RHNO1: variants seen among roughly 807,000 people sequenced by gnomAD.
The protein encoded by RHNO1 is RAD9, HUS1, RAD1-interacting nuclear orphan protein 1.
RHNO1 carries 9 observed loss-of-function variants against 7.2 expected under a neutral mutation model. The observed-to-expected ratio is 1.25, with a 90% CI of 0.75 to 2.18. RHNO1 has a LOEUF of 2.18. Among genes scored for constraint, RHNO1 ranks in the 30% most tolerant of loss-of-function variants. The pLI is 0.00. For missense variants in RHNO1, 292 were observed against 284.5 expected, an observed-to-expected ratio of 1.03 and a Z score of -0.19; for synonymous variants, 95 against 107.5, an observed-to-expected ratio of 0.88 and a Z score of 0.72.
upstream of RHNO1, chr12:2,876,640 T>G (rs1463242811): frequency 6.6e-6 from 1 of 152,358 alleles, no homozygotes; most frequent in African/African-American, 2.4e-5. Flanking sequence ...ACAGTCGGCC[T>G]AAGAAGGTAG....
rs776598671 is a variant in RHNO1, at chr12:2,888,476, C to G, written c.*17C>G. The G allele has an allele frequency of 6.5e-7, 1 of 1,533,254 alleles. No homozygotes were observed. Among genetic ancestry groups the G allele is most frequent in the Non-Finnish European group, 8.7e-7 (1 of 1,143,788 alleles). 95.0% of individuals were successfully genotyped at this position (1,533,254 alleles called of 1,614,324 possible). On this transcript the variant is annotated 3_prime_UTR_variant, in exon 3 of 3. Transcript: ENST00000489288. ...AAAAGCTGACTGCCATCAGTAATCT[C>G]AATAGAAAAGAGATATGTTTTCTGG...
In RHNO1 at chr12:2,885,307, C is replaced by A; in HGVS notation, c.-60C>A. On this transcript the variant is annotated 5_prime_UTR_variant, in exon 2 of 3. Coordinates refer to ENST00000489288, the MANE Select transcript of RHNO1 (RefSeq NM_001252499.3). ...GGCATGGGTTGGAATTGGAGCCTATCCCCCAACCCGAAGGCTAACAGCATC... is the reference window on the plus strand; with the variant it reads ...GGCATGGGTTGGAATTGGAGCCTATACCCCAACCCGAAGGCTAACAGCATC... 1 of 1,471,724 alleles carries A rather than the reference C, an allele frequency of 6.8e-7. No homozygotes were observed. Among genetic ancestry groups the A allele is most frequent in the Non-Finnish European group, 9.3e-7 (1 of 1,079,388 alleles). 91.2% of individuals were successfully genotyped at this position (1,471,724 alleles called of 1,614,324 possible). A position where few individuals can be genotyped will look rare whatever the true frequency, so the allele number is the denominator to read the frequency against.
intron 2 of RHNO1, among the ~76,000 whole-genome samples, chr12:2,886,685 C>T (rs969601938): frequency 6.6e-6 from 1 of 150,934 alleles, no homozygotes; most frequent in Admixed American, 6.6e-5. Flanking sequence ...AAATAGAAAC[C>T]CTGGGAAGAG....
intron 1 of RHNO1, chr12:2,877,991 G>C (rs1210472435): frequency 2.0e-5 from 3 of 152,238 alleles, no homozygotes; most frequent in Non-Finnish European, 2.9e-5. Flanking sequence ...GACCAGCCTG[G>C]CAACATAGCG....
chr12:2,879,034 C>G (rs944378005), intron 1 of RHNO1, among the ~76,000 whole-genome samples: 3 of 151,860 alleles, frequency 2.0e-5, no homozygotes, highest in Non-Finnish European at 4.4e-5. Context: ...GGGTCTTGCT[C>G]TGTCCCCCAG....
At chr12:2,879,494 AC>A (rs913649496) in intron 1 of RHNO1, among the ~76,000 whole-genome samples, 9 of 151,602 alleles carry the variant, frequency 5.9e-5, no homozygotes, top group Admixed American at 2.6e-4. Flanking sequence ...AGCCGTGCCC[AC>A]CTGATTTTTT....
intron 1 of RHNO1, among the ~76,000 whole-genome samples, chr12:2,880,023 C>G (rs866418682): frequency 5.3e-5 from 8 of 152,002 alleles, no homozygotes; most frequent in South Asian, 2.1e-4. Context: ...TTCTGAAGTT[C>G]TAAGAAAGTG....
chr12:2,882,884 A>T (rs2153944926), intron 1 of RHNO1, among the ~76,000 whole-genome samples: 1 of 152,180 alleles, frequency 6.6e-6, no homozygotes, highest in South Asian at 2.1e-4. Flanking sequence ...CAACACAGTG[A>T]GACCTCATCT....
upstream of RHNO1, chr12:2,876,819 C>T (rs1223879097): frequency 6.5e-6 from 1 of 152,738 alleles, no homozygotes; most frequent in Non-Finnish European, 1.5e-5. Context: ...CACTCGTGGC[C>T]CGTGCCCTGC....
chr12:2,886,411 G>A (rs187834700), intron 2 of RHNO1: 1 of 152,672 alleles, frequency 6.5e-6, no homozygotes, highest in Non-Finnish European at 1.5e-5. Flanking sequence ...AGAACTTTGG[G>A]AGGCCAAGGA....
chr12:2,887,777 C>T (rs2098167317), intron 2 of RHNO1, 134 bp from the exon 3 acceptor site: 2 of 676,624 alleles, frequency 3.0e-6, no homozygotes, highest in Non-Finnish European at 4.8e-6. Context: ...TGTTATTATG[C>T]CATTAGACAG....
At chr12:2,876,282 C>T (rs2098143299), upstream of RHNO1, 1 of 152,190 alleles carries the variant, frequency 6.6e-6, no homozygotes, top group Admixed American at 6.6e-5. Context: ...CTTTCACCTC[C>T]GATCTTTCCA....
In RHNO1 at chr12:2,889,341, CAATATT is replaced by C. The variant is rs528435182; in HGVS notation, c.*885_*890del. On this transcript the variant is annotated 3_prime_UTR_variant, in exon 3 of 3. Coordinates refer to ENST00000489288, the MANE Select transcript of RHNO1 (RefSeq NM_001252499.3). ...TTTGTTTCTAACTGAAGAAATCTGT[CAATATT>C]AAATAGGGTGGGAAAATGGTTTCTT... 245 of 152,210 alleles carry C rather than the reference CAATATT, an allele frequency of 1.6e-3. No homozygotes were observed. Among genetic ancestry groups the C allele is most frequent in the African/African-American group, 5.3e-3 (221 of 41,528 alleles). The allele number at this position is 152,210 out of a possible 1,614,324, so 9.4% of individuals were successfully genotyped here. A position where few individuals can be genotyped will look rare whatever the true frequency, so the allele number is the denominator to read the frequency against.
Position 2,888,353 on chromosome 12 carries a change from A to C in RHNO1, c.611A>C (p.Glu204Ala), listed in dbSNP as rs1327910505. Residue 204 changes from glutamate (E) to alanine (A), a missense_variant, in exon 3 of 3, where the codon GAG becomes GCG. Glu to Ala is a moderately radical substitution (Grantham distance 107, BLOSUM62 -1). Transcript: ENST00000489288. ...CCTGTTCTGGTTAAAGACACCCCCG[A>C]GGACAAGTATGGAATAAAGGTCACA... ...PGPVLVKDTP[E>A]DKYGIKVTWR... is the part of the protein sequence containing the mutation. 2.5e-6 allele frequency: 4 copies of C among 1,614,208 alleles called. No individual in the cohort carries two copies. In the African/African-American group the frequency reaches 5.3e-5, roughly 22 times the overall value.
rs779936669 is a variant in RHNO1, at chr12:2,888,391, C to A, written c.649C>A (p.Gln217Lys). The change falls in exon 3 of 3, where the codon CAG (glutamine) becomes AAG (lysine). Residue 217 changes from glutamine (Q) to lysine (K), a missense_variant. Physicochemically the swap from Gln to Lys is moderately conservative, Grantham distance 53. Coordinates refer to ENST00000489288, the MANE Select transcript of RHNO1 (RefSeq NM_001252499.3). ...YGIKVTWRRRQHLLAYLRERG... is the reference protein window; with the variant it reads ...YGIKVTWRRRKHLLAYLRERG... ...AATAAAGGTCACATGGAGGAGACGA[C>A]AGCACCTGCTTGCTTACCTCAGGGA... The A allele has an allele frequency of 6.2e-7, 1 of 1,613,190 alleles. No homozygotes were observed.
At chr12:2,883,511 A>ATATATATATATATTT (rs2098161542) in intron 1 of RHNO1, among the ~76,000 whole-genome samples, 7 of 26,848 alleles carry the variant, frequency 2.6e-4, no homozygotes, top group Non-Finnish European at 3.8e-4. Flanking sequence ...ATATATATAT[A>ATATATATATATATTT]TTTTTTTTTT....
At chr12:2,878,386 C>G (rs552741435) in intron 1 of RHNO1, among the ~76,000 whole-genome samples, 1 of 150,852 alleles carries the variant, frequency 6.6e-6, no homozygotes, top group South Asian at 2.1e-4. Context: ...CAGGAGGAAG[C>G]ACAGTGAGTA....
At position 2,888,558 on chromosome 12, in the gene RHNO1, T is replaced by G; in HGVS notation, c.*99T>G. On this transcript the variant is annotated 3_prime_UTR_variant, in exon 3 of 3. Transcript: ENST00000489288. ...TGTTTTTGTTTTTGAGATGTAATAT[T>G]GCTCTGTTGCCCAGGCTGGAGTGCA... is the stretch of plus-strand genomic sequence containing the variant. 1 of 1,067,430 alleles carries G rather than the reference T, an allele frequency of 9.4e-7. No homozygotes were observed. The highest frequency in any genetic ancestry group is 1.3e-6 in the Non-Finnish European group (1 of 765,600). The allele number at this position is 1,067,430 out of a possible 1,614,324, so 66.1% of individuals were successfully genotyped here.
intron 1 of RHNO1, among the ~76,000 whole-genome samples, 155 bp downstream of exon 1, chr12:2,877,437 T>C (rs12582464): frequency 0.48 from 72,748 of 151,946 alleles, 19,249 homozygotes; most frequent in African/African-American, 0.7. Flanking sequence ...GGCCCGCTTT[T>C]CCTGCCGCGC....
Sources: gnomAD v4.1 joint callset for allele counts (sites outside exome capture counted in the v4.1 genomes callset) on GRCh38, gnomAD v4.1.1 for gene constraint, MANE v1.5 for transcripts, NCBI Gene and HGNC (gene_info 2026-07-23, HGNC 2026-07-21) for gene names.